Variants in XKR4 observed in about 807,000 individuals in gnomAD.
XKR4 encodes XK related 4.
Under a neutral mutation model 53.9 loss-of-function variants are expected in XKR4, and 12 were observed. The ratio of observed to expected loss-of-function variants is 0.22; its 90% CI spans 0.14 to 0.36. The LOEUF (loss-of-function observed/expected upper bound fraction) is 0.36, where lower values mean the gene tolerates loss of function less well. XKR4 is among the 10% of genes least tolerant of loss of function. The pLI is 1.00. For synonymous variants in XKR4, 354 were observed against 362.4 expected (o/e 0.98, Z 0.26); for missense variants, 799 against 859.5 (o/e 0.93, Z 0.88).
chr8:55,482,763 G>A (rs1194150195), intron 2 of XKR4, among the ~76,000 whole-genome samples: 2 of 152,062 alleles, frequency 1.3e-5, no homozygotes, highest in African/African-American at 4.8e-5. Flanking sequence ...CATGAAATTT[G>A]CTAACTGATA....
intron 2 of XKR4, among the ~76,000 whole-genome samples, chr8:55,431,062 A>G (rs1237947928): frequency 6.6e-6 from 1 of 152,144 alleles, no homozygotes; most frequent in Non-Finnish European, 1.5e-5. Context: ...CTGCATGTGA[A>G]CTCACAATTA....
At chr8:55,319,004 G>A (rs2129379181) in intron 1 of XKR4, among the ~76,000 whole-genome samples, 1 of 152,232 alleles carries the variant, frequency 6.6e-6, no homozygotes, top group East Asian at 1.9e-4. Flanking sequence ...CAAAAGAGAG[G>A]TGCCTCCCAT....
intron 1 of XKR4, among the ~76,000 whole-genome samples, chr8:55,291,354 C>A (rs1819016960): frequency 6.6e-6 from 1 of 152,256 alleles, no homozygotes; most frequent in East Asian, 1.9e-4. Flanking sequence ...AGTTCCTTTG[C>A]CTGTCCTTAT....
At chr8:55,462,060 A>T (rs529503829) in intron 2 of XKR4, among the ~76,000 whole-genome samples, 2 of 152,240 alleles carry the variant, frequency 1.3e-5, no homozygotes, top group Non-Finnish European at 2.9e-5. Context: ...GCAGAATATT[A>T]TCCAGGAGAA....
intron 1 of XKR4, among the ~76,000 whole-genome samples, chr8:55,114,483 G>A (rs772659573): frequency 6.6e-5 from 10 of 152,072 alleles, no homozygotes; most frequent in Non-Finnish European, 1.5e-4. Flanking sequence ...AGAGGGTGAA[G>A]GCCAAAGCAC....
chr8:55,464,470 C>T (rs1001812722), intron 2 of XKR4, among the ~76,000 whole-genome samples: 13 of 152,046 alleles, frequency 8.6e-5, no homozygotes, highest in South Asian at 2.1e-4. Context: ...ATTGATGGGA[C>T]GTATCTCAAA....
At chr8:55,236,061 G>A (rs1373537658) in intron 1 of XKR4, among the ~76,000 whole-genome samples, 1 of 152,116 alleles carries the variant, frequency 6.6e-6, no homozygotes, top group African/African-American at 2.4e-5. Flanking sequence ...ATCACACCTG[G>A]TTTGCACTGA....
At chr8:55,268,039 A>G (rs1309765333) in intron 1 of XKR4, among the ~76,000 whole-genome samples, 1 of 152,220 alleles carries the variant, frequency 6.6e-6, no homozygotes, top group Non-Finnish European at 1.5e-5. Flanking sequence ...AATTGAGGAG[A>G]AAAAGCTGTG....
At chr8:55,222,096 C>T (rs1021423016) in intron 1 of XKR4, among the ~76,000 whole-genome samples, 5 of 152,204 alleles carry the variant, frequency 3.3e-5, no homozygotes, top group African/African-American at 1.2e-4. Flanking sequence ...ATCCTCTTCT[C>T]CACCTTCCCG....
At chr8:55,369,752 A>G (rs1366839086) in intron 2 of XKR4, among the ~76,000 whole-genome samples, 2 of 152,174 alleles carry the variant, frequency 1.3e-5, no homozygotes, top group Admixed American at 6.5e-5. Flanking sequence ...ATATATTCAT[A>G]ATAATATATA....
intron 1 of XKR4, among the ~76,000 whole-genome samples, chr8:55,213,073 A>G (rs1427587170): frequency 6.6e-6 from 1 of 152,200 alleles, no homozygotes. Flanking sequence ...AGTAAATGCT[A>G]CCAGTCTGTT....
At chr8:55,239,156 G>A (rs1818173632) in intron 1 of XKR4, among the ~76,000 whole-genome samples, 2 of 152,312 alleles carry the variant, frequency 1.3e-5, no homozygotes, top group East Asian at 3.9e-4. Context: ...TATTGTTGCA[G>A]TGATGTTTGA....
chr8:55,343,501 C>T (rs1803588334), intron 1 of XKR4, among the ~76,000 whole-genome samples: 1 of 152,198 alleles, frequency 6.6e-6, no homozygotes, highest in African/African-American at 2.4e-5. Flanking sequence ...CGGCATTCCA[C>T]TCTCAGAAAT....
rs140751878 is a variant in XKR4, at chr8:55,393,966, C to T, written c.1006+36089C>T. 7.4e-3 allele frequency among the ~76,000 whole-genome samples: 1,130 copies of T among 152,174 alleles called. 8 individuals are homozygous for T. Among genetic ancestry groups the T allele is most frequent in the Middle Eastern group, 0.017 (5 of 294 alleles). ...CACCAAGTGGAGCTCTAGAATGATGCCTTTATAGGAACAATGAGGATTAAC... is the reference window on the plus strand; with the variant it reads ...CACCAAGTGGAGCTCTAGAATGATGTCTTTATAGGAACAATGAGGATTAAC... On this transcript the variant is annotated intron_variant, in intron 2 of 2. Transcript: ENST00000327381.
chr8:55,379,525 C>T lies in XKR4; in HGVS notation c.1006+21648C>T, dbSNP rs150974062. On this transcript the variant is annotated intron_variant, in intron 2 of 2. Transcript: ENST00000327381. Reference sequence around the variant, plus strand: ...TGTGGGCAAGTCCCATGCTGGCTACCGGTTTCTACTTAATTTCTCAGAGCA... The same window carrying T: ...TGTGGGCAAGTCCCATGCTGGCTACTGGTTTCTACTTAATTTCTCAGAGCA... Among the ~76,000 whole-genome samples, 64 of 152,296 alleles carry T rather than the reference C, an allele frequency of 4.2e-4. 1 individual carries two copies. The highest frequency in any genetic ancestry group is 1.5e-3 in the African/African-American group (61 of 41,560).
At chr8:55,103,838 G>A (rs1333100733) in intron 1 of XKR4, among the ~76,000 whole-genome samples, 1 of 123,260 alleles carries the variant, frequency 8.1e-6, no homozygotes, top group Non-Finnish European at 1.6e-5. Flanking sequence ...GATCCTAATA[G>A]GCAAATGACT....
At chr8:55,352,701 G>A (rs995055691) in intron 1 of XKR4, among the ~76,000 whole-genome samples, 4 of 152,146 alleles carry the variant, frequency 2.6e-5, no homozygotes, top group African/African-American at 9.7e-5. Context: ...TATGTGATTG[G>A]TACTGTGATT....
intron 1 of XKR4, among the ~76,000 whole-genome samples, chr8:55,335,535 G>A (rs942333119): frequency 1.3e-5 from 2 of 152,140 alleles, no homozygotes; most frequent in Admixed American, 1.3e-4. Context: ...AGAGTGTGAT[G>A]CATGCAATTA....
chr8:55,356,301 G>A (rs745326333), intron 1 of XKR4, among the ~76,000 whole-genome samples: 15 of 152,254 alleles, frequency 9.9e-5, no homozygotes, highest in Admixed American at 3.3e-4. Flanking sequence ...AAAAGCAGTC[G>A]AACTTGAAGC....
Sources: gnomAD v4.1 joint callset for allele counts (sites outside exome capture counted in the v4.1 genomes callset) on GRCh38, gnomAD v4.1.1 for gene constraint, MANE v1.5 for transcripts, NCBI Gene and HGNC (gene_info 2026-07-23, HGNC 2026-07-21) for gene names.